The following FANCA variants were observed in gnomAD, a reference collection of about 807,000 sequenced individuals.
FANCA encodes the protein Fanconi anemia group A protein.
FANCA carries 236 observed loss-of-function variants against 194.3 expected under a neutral mutation model. The observed-to-expected ratio is 1.21, with a 90% confidence interval of 1.09 to 1.35. The LOEUF is 1.35. Among genes scored for constraint, FANCA ranks in the 40% most tolerant of loss-of-function variants. The pLI is 0.00. For missense variants in FANCA, 2,628 were observed against 1,813.9 expected, an observed-to-expected ratio of 1.45 and a Z score of -8.15; for synonymous variants, 1,014 against 715.8, an observed-to-expected ratio of 1.42 and a Z score of -6.65.
At chr16:89,751,062 T>A (rs2038572287) in intron 31 of FANCA, among the ~76,000 whole-genome samples, 1 of 152,104 alleles carries the variant, frequency 6.6e-6, no homozygotes, top group African/African-American at 2.4e-5. Context: ...TGACTAGTGT[T>A]TTGTATTTTT....
chr16:89,740,168 C>A, intron 38 of FANCA, 69 bp from the exon 39 acceptor site: 1 of 1,226,458 alleles, frequency 8.2e-7, no homozygotes, highest in East Asian at 2.3e-5. Context: ...AGGGTACAGC[C>A]CTCAGCACAG....
chr16:89,742,755 C>T (rs2143059156), intron 37 of FANCA, 45 bp downstream of exon 37: 6 of 1,602,174 alleles, frequency 3.7e-6, no homozygotes, highest in Non-Finnish European at 4.3e-6. Context: ...TGATTGAAAC[C>T]AAGCTTGCGA....
rs936941432 is a variant in FANCA, at chr16:89,815,955, A to G, written c.111T>C (p.Pro37=). ...ATTCCTTTAATTTCTGTGCCCTTTC[A>G]GGATTATATTTTTCCCTCTTGACCC... ...AGRVKREKYN[P]ERAQKLKESA... The change falls in exon 2 of 43, where the codon CCT becomes CCC. Residue 37 remains proline, a synonymous_variant. Coordinates refer to ENST00000389301, the MANE Select transcript of FANCA (RefSeq NM_000135.4). 6.2e-7 allele frequency: 1 copy of G among 1,614,096 alleles called. No individual in the cohort carries two copies.
chr16:89,787,379 C>T (rs1045610283), intron 14 of FANCA, among the ~76,000 whole-genome samples: 1 of 152,050 alleles, frequency 6.6e-6, no homozygotes, highest in Admixed American at 6.6e-5. Flanking sequence ...AAAAATTAGC[C>T]GTGTGTGGTG....
chr16:89,769,909 C>G lies in FANCA; in HGVS notation c.2432G>C (p.Gly811Ala), dbSNP rs201152989. 7.4e-6 allele frequency: 12 copies of G among 1,614,088 alleles called. 1 individual carries two copies. The highest frequency in any genetic ancestry group is 9.3e-6 in the Non-Finnish European group (11 of 1,179,992). ...GTCAAAGAGCGCAGGGACAGGAAGG[C>G]CAGCACCAGGTGCAGGAGGACCCAC... ...VDVGPPAPGA[G>A]LPVPALFDSL... The change falls in exon 26 of 43, where the codon GGC (glycine) becomes GCC (alanine). Residue 811 changes from glycine to alanine, a missense_variant. Gly to Ala is a moderately conservative substitution (Grantham distance 60). Coordinates refer to ENST00000389301, the MANE Select transcript of FANCA (RefSeq NM_000135.4).
intron 31 of FANCA, 86 bp from the exon 32 acceptor site, chr16:89,749,988 G>T: frequency 7.0e-7 from 1 of 1,427,764 alleles, no homozygotes; most frequent in Non-Finnish European, 9.8e-7. Flanking sequence ...GGGTCAGGGA[G>T]AGGTCTCCAC....
At chr16:89,809,609 G>A (rs777874343) in intron 5 of FANCA, among the ~76,000 whole-genome samples, 43 of 152,008 alleles carry the variant, frequency 2.8e-4, no homozygotes, top group Admixed American at 5.9e-4. Context: ...CGGCACTTTG[G>A]GAGGCCGAGG....
intron 3 of FANCA, among the ~76,000 whole-genome samples, chr16:89,811,655 GA>G (rs2040885073): frequency 6.6e-6 from 1 of 152,182 alleles, no homozygotes; most frequent in South Asian, 2.1e-4. Flanking sequence ...AATAAAGTGA[GA>G]AACGGTGGGC....
At position 89,749,887 on chromosome 16, in the gene FANCA, G is replaced by A. The variant is rs1447648920; in HGVS notation, c.3082C>T (p.Leu1028=). 4 of 1,614,116 alleles carry A rather than the reference G, an allele frequency of 2.5e-6. No homozygotes were observed. The highest frequency in any genetic ancestry group is 2.2e-5 in the East Asian group (1 of 44,878). ...ACTATGAGGTCTTGCTGCAGCTCCA[G>A]GTCAGCTACCATCTCCTGAAAAAGA... The part of the protein sequence containing the change: ...ISRLQEMVAD[L]ELQQDLIVPL... The change falls in exon 32 of 43, where the codon CTG becomes TTG. Residue 1028 remains leucine (L), a synonymous_variant. Transcript: ENST00000389301.
Position 89,814,597 on chromosome 16 carries a change from C to T in FANCA, c.206G>A (p.Cys69Tyr). 1 of 1,613,214 alleles carries T rather than the reference C, an allele frequency of 6.2e-7. No homozygotes were observed. Among genetic ancestry groups the T allele is most frequent in the Non-Finnish European group, 8.5e-7 (1 of 1,179,232 alleles). ...CACTTTGCTGAGAGACAATTTTTTA[C>T]ACAGTGGACCTTCTACCTAGAATCC... ...ALLLEVEGPLCKKLSLSKVID... is the reference protein window; with the variant it reads ...ALLLEVEGPLYKKLSLSKVID... The change falls in exon 3 of 43, where the codon TGT becomes TAT. Residue 69 changes from cysteine (C) to tyrosine (Y), a missense_variant. Transcript: ENST00000389301.
At chr16:89,773,510 G>A (rs1453347747) in intron 21 of FANCA, 126 bp from the exon 22 acceptor site, 1 of 727,806 alleles carries the variant, frequency 1.4e-6, no homozygotes, top group South Asian at 1.5e-5. Flanking sequence ...GGCAGACGGA[G>A]GGACTGGGAG....
chr16:89,799,441 T>C (rs2040363922), intron 9 of FANCA, among the ~76,000 whole-genome samples, 164 bp downstream of exon 9: 2 of 152,150 alleles, frequency 1.3e-5, no homozygotes, highest in Non-Finnish European at 2.9e-5. Context: ...AGGTATCCCT[T>C]CACAGCTCTG....
chr16:89,815,833 C>G (rs1166597549), intron 2 of FANCA, 44 bp downstream of exon 2: 2 of 1,486,324 alleles, frequency 1.3e-6, no homozygotes, highest in Admixed American at 1.7e-5. Flanking sequence ...CTCAAAAACC[C>G]CGAACCTAAA....
chr16:89,759,888 C>A (rs1246957974), intron 29 of FANCA, among the ~76,000 whole-genome samples: 1 of 152,136 alleles, frequency 6.6e-6, no homozygotes, highest in Non-Finnish European at 1.5e-5. Flanking sequence ...TGTGTGCTCT[C>A]CTCACACTGT....
Position 89,767,237 on chromosome 16 carries a change from T to C in FANCA, c.2505A>G (p.Lys835=), listed in dbSNP as rs1555546563. 6.2e-7 allele frequency: 1 copy of C among 1,601,800 alleles called. No homozygotes were observed. Among genetic ancestry groups the C allele is most frequent in the Non-Finnish European group, 8.6e-7 (1 of 1,169,076 alleles). The change falls in exon 27 of 43, where the codon AAA becomes AAG. Residue 835 remains lysine (K), a splice_region_variant and synonymous_variant. Coordinates refer to ENST00000389301, the MANE Select transcript of FANCA (RefSeq NM_000135.4). ...AGTAAGAAATTGCTGCTGTACAAAA[T>C]CTGAAAACAGAAATTATAACATATA... is the stretch of plus-strand genomic sequence containing the variant. ...RTRDSLFFCL[K]FCTAAISYSL...
chr16:89,795,614 G>A (rs1245738002), intron 11 of FANCA, among the ~76,000 whole-genome samples: 2 of 152,154 alleles, frequency 1.3e-5, no homozygotes, highest in East Asian at 3.8e-4. Context: ...CTCCAGCATG[G>A]GCAAGTGAGT....
chr16:89,744,218 G>A (rs2062195230), intron 36 of FANCA, among the ~76,000 whole-genome samples: 1 of 152,178 alleles, frequency 6.6e-6, no homozygotes, highest in East Asian at 1.9e-4. Flanking sequence ...TTCAGCAGAC[G>A]GCGAGCAGCC....
At chr16:89,801,897 CAAAAAAACAA>C (rs1255671467) in intron 8 of FANCA, among the ~76,000 whole-genome samples, 2 of 150,012 alleles carry the variant, frequency 1.3e-5, no homozygotes, top group African/African-American at 4.9e-5. Context: ...CAAAAAAACA[CAAAAAAACAA>C]AAAAAAAACC....
At chr16:89,801,413 T>C in intron 8 of FANCA, among the ~76,000 whole-genome samples, 1 of 151,748 alleles carries the variant, frequency 6.6e-6, no homozygotes. Flanking sequence ...CAATGAGCTA[T>C]TATTTCACTC....
Sources: allele counts gnomAD v4.1 joint callset (sites outside exome capture counted in the v4.1 genomes callset), GRCh38; gene constraint gnomAD v4.1.1; transcripts MANE v1.5; gene names NCBI Gene and HGNC (gene_info 2026-07-23, HGNC 2026-07-21).